Variants in ABCC9 observed in about 807,000 individuals in gnomAD.
ABCC9 encodes ATP binding cassette subfamily C member 9.
In ABCC9, 95 loss-of-function variants were observed where a neutral mutation model predicts 188.3. The observed-to-expected ratio is 0.50, with a 90% CI of 0.43 to 0.60. The LOEUF is 0.60. Among genes scored for constraint, ABCC9 ranks in the 20% least tolerant of loss-of-function variants. The pLI is 0.00. For synonymous variants in ABCC9, 659 were observed against 652.7 expected (o/e 1.01, Z -0.15); for missense variants, 1,102 against 1,876.3 (o/e 0.59, Z 7.62).
intron 28 of ABCC9, among the ~76,000 whole-genome samples, chr12:21,843,291 T>G (rs1368839020): frequency 1.3e-5 from 2 of 152,218 alleles, no homozygotes; most frequent in Non-Finnish European, 2.9e-5. Context: ...AATTAATCCT[T>G]TCCTTATTAA....
intron 4 of ABCC9, among the ~76,000 whole-genome samples, chr12:21,932,241 G>A (rs1051854071): frequency 5.3e-5 from 8 of 151,856 alleles, no homozygotes; most frequent in African/African-American, 1.9e-4. Context: ...TATTTTAACT[G>A]TCTAATGAAA....
chr12:21,906,436 A>G, intron 11 of ABCC9, 148 bp from the exon 12 acceptor site: 1 of 749,382 alleles, frequency 1.3e-6, no homozygotes, highest in Non-Finnish European at 2.1e-6. Flanking sequence ...CAGGAGAAGC[A>G]ATTAAACCCT....
chr12:21,828,827 A>G, intron 31 of ABCC9, 131 bp downstream of exon 31: 1 of 784,236 alleles, frequency 1.3e-6, no homozygotes. Context: ...AACCTGAGCT[A>G]TTTTAAAGTC....
intron 31 of ABCC9, among the ~76,000 whole-genome samples, chr12:21,819,555 A>G (rs1487562815): frequency 6.6e-6 from 1 of 152,208 alleles, no homozygotes; most frequent in African/African-American, 2.4e-5. Context: ...GAGCTCAGAC[A>G]AGCAACTTAA....
At chr12:21,837,410 C>T (rs1314778944) in intron 30 of ABCC9, among the ~76,000 whole-genome samples, 4 of 152,054 alleles carry the variant, frequency 2.6e-5, no homozygotes, top group Non-Finnish European at 4.4e-5. Context: ...TCTATATATA[C>T]TTGCGATTAG....
rs1944377877 is a variant in ABCC9, at chr12:21,841,342, GTTTCCTTTTTT to G, written c.3473+961_3473+971del. ...CTTACTCTTTGGGATTATGTTTCTG[GTTTCCTTTTTT>G]TTTTTTTTTTTTTTTTTTTTTTTGA... On this transcript the variant is annotated intron_variant, in intron 29 of 39. Transcript: ENST00000261200. Among the ~76,000 whole-genome samples the G allele has an allele frequency of 3.5e-5, 4 of 115,188 alleles. 1 individual carries two copies. Among genetic ancestry groups the G allele is most frequent in the Non-Finnish European group, 1.8e-5 (1 of 56,788 alleles). 75.6% of individuals were successfully genotyped at this position (115,188 alleles called of 152,430 possible). A position where few individuals can be genotyped will look rare whatever the true frequency, so the allele number is the denominator to read the frequency against.
chr12:21,799,789 A>G lies in ABCC9; in HGVS notation c.*1255T>C, dbSNP rs1183750697. 6.6e-6 allele frequency: 1 copy of G among 152,214 alleles called. No individual in the cohort carries two copies. The highest frequency in any genetic ancestry group is 2.4e-5 in the African/African-American group (1 of 41,462). 9.4% of individuals were successfully genotyped at this position (152,214 alleles called of 1,614,324 possible). ...TGAAAAAGAAATCAATGATATTGACACTGGATGGGCACAGAATAGTAGAAA... is the reference window on the plus strand; with the variant it reads ...TGAAAAAGAAATCAATGATATTGACGCTGGATGGGCACAGAATAGTAGAAA... On this transcript the variant is annotated 3_prime_UTR_variant, in exon 40 of 40. Transcript: ENST00000261200.
At chr12:21,916,841 T>A in intron 6 of ABCC9, 96 bp downstream of exon 6, 2 of 1,102,776 alleles carry the variant, frequency 1.8e-6, no homozygotes, top group Non-Finnish European at 2.6e-6. Context: ...ATACATGTGT[T>A]CATCCTTGTC....
At chr12:21,887,183 A>G (rs1298740880) in intron 15 of ABCC9, among the ~76,000 whole-genome samples, 1 of 152,216 alleles carries the variant, frequency 6.6e-6, no homozygotes, top group Non-Finnish European at 1.5e-5. Flanking sequence ...TTCATATTAC[A>G]TGTAATGCAT....
intron 30 of ABCC9, among the ~76,000 whole-genome samples, chr12:21,835,712 T>G (rs992644291): frequency 6.6e-6 from 1 of 152,154 alleles, no homozygotes; most frequent in African/African-American, 2.4e-5. Context: ...CTTTTCTTAG[T>G]CTACACCATC....
rs1941368271 is a variant in ABCC9 at position 21,800,288 on chromosome 12, C to T, written c.*756G>A. ...AACTATAGAAAGTTTAGCTGGCCTG[C>T]CACTGAAAGATTGAACCTAATCATT... On this transcript the variant is annotated 3_prime_UTR_variant, in exon 40 of 40. Coordinates refer to ENST00000261200, the MANE Select transcript of ABCC9 (RefSeq NM_020297.4). 6.6e-6 allele frequency: 1 copy of T among 152,114 alleles called. No homozygotes were observed. Among genetic ancestry groups the T allele is most frequent in the Admixed American group, 6.6e-5 (1 of 15,254 alleles). The allele number at this position is 152,114 out of a possible 1,614,324, so 9.4% of individuals were successfully genotyped here. A position where few individuals can be genotyped will look rare whatever the true frequency, so the allele number is the denominator to read the frequency against.
rs968044395 is a variant in ABCC9, at chr12:21,872,641, T to C, written c.2182A>G (p.Lys728Glu). ...ILGEMQTLEG[K>E]VHWSNVNESE... is the part of the protein sequence containing the mutation. ...TATACATACTTGCTCCAGTGAACTT[T>C]TCCTTCCAATGTCTGCATCTCACCG... The change falls in exon 18 of 40, where the codon AAA becomes GAA. Residue 728 changes from lysine to glutamate, a missense_variant. This residue lies in a region of ABCC9 where 258 missense variants were observed against 325.6 expected (regional missense o/e 0.79). Transcript: ENST00000261200. 1 of 1,613,638 alleles carries C rather than the reference T, an allele frequency of 6.2e-7. No individual in the cohort carries two copies. Among genetic ancestry groups the C allele is most frequent in the South Asian group, 1.1e-5 (1 of 91,082 alleles).
At chr12:21,888,654 G>C (rs1946997340) in intron 14 of ABCC9, among the ~76,000 whole-genome samples, 1 of 152,114 alleles carries the variant, frequency 6.6e-6, no homozygotes, top group African/African-American at 2.4e-5. Context: ...CCCTGCTCTA[G>C]AAGACTGGTT....
chr12:21,808,970 C>A (rs1942047536), intron 37 of ABCC9, among the ~76,000 whole-genome samples: 1 of 151,890 alleles, frequency 6.6e-6, no homozygotes, highest in Non-Finnish European at 1.5e-5. Flanking sequence ...TCTGAGTTGG[C>A]CCTGCTTTTC....
chr12:21,862,841 G>A, intron 20 of ABCC9, 112 bp downstream of exon 20: 2 of 737,340 alleles, frequency 2.7e-6, no homozygotes, highest in South Asian at 1.5e-5. Flanking sequence ...AACGGGGCCA[G>A]CAGGAAAGAA....
chr12:21,869,556 C>A (rs530917309), intron 18 of ABCC9: 2 of 152,200 alleles, frequency 1.3e-5, no homozygotes, highest in African/African-American at 4.8e-5. Flanking sequence ...CCACAGCATA[C>A]CCAGAATGCT....
At chr12:21,938,498 A>G (rs974483488) in intron 2 of ABCC9, among the ~76,000 whole-genome samples, 2 of 152,190 alleles carry the variant, frequency 1.3e-5, no homozygotes, top group East Asian at 1.9e-4. Context: ...AGACAAAAAC[A>G]AAACTAAAAA....
chr12:21,857,727 G>A (rs375210557), intron 22 of ABCC9, among the ~76,000 whole-genome samples: 1 of 152,160 alleles, frequency 6.6e-6, no homozygotes, highest in Admixed American at 6.5e-5. Flanking sequence ...CTTCAAAGGT[G>A]GAGGAAGGCA....
chr12:21,918,369 A>T (rs1245375557), intron 5 of ABCC9, among the ~76,000 whole-genome samples: 1 of 152,152 alleles, frequency 6.6e-6, no homozygotes, highest in East Asian at 1.9e-4. Context: ...TACTCTAAAA[A>T]TACTTCTAAC....
Sources: gnomAD v4.1 joint callset for allele counts (sites outside exome capture counted in the v4.1 genomes callset) on GRCh38, gnomAD v4.1.1 for gene constraint, gnomAD v4.1.1 regional missense constraint, MANE v1.5 for transcripts, NCBI Gene and HGNC (gene_info 2026-07-23, HGNC 2026-07-21) for gene names.